Variants in SERPIND1 observed in about 807,000 individuals in gnomAD.
SERPIND1 encodes the protein heparin cofactor 2.
SERPIND1 carries 34 observed loss-of-function variants against 35.0 expected under a neutral mutation model. The ratio of observed to expected loss-of-function variants is 0.97; its 90% CI spans 0.74 to 1.29. SERPIND1 has a LOEUF of 1.29. Ranked by LOEUF, SERPIND1 falls within the 50% of genes most tolerant of loss-of-function variation. The pLI is 0.00. For synonymous variants in SERPIND1, 236 were observed against 241.1 expected (o/e 0.98, Z 0.19); for missense variants, 633 against 637.7 (o/e 0.99, Z 0.08).
At chr22:20,779,249 T>A in intron 1 of SERPIND1, 48 bp from the exon 2 acceptor site, 1 of 1,609,914 alleles carries the variant, frequency 6.2e-7, no homozygotes. Flanking sequence ...TGCAGCGGGG[T>A]GTGGATCAGC....
Position 20,780,129 on chromosome 22 carries a change from C to A in SERPIND1, c.817C>A (p.Leu273Ile). 6.2e-7 allele frequency: 1 copy of A among 1,614,142 alleles called. No individual in the cohort carries two copies. The highest frequency in any genetic ancestry group is 8.5e-7 in the Non-Finnish European group (1 of 1,180,030). The change falls in exon 2 of 5, where the codon CTC (leucine) becomes ATC (isoleucine). Residue 273 changes from leucine (L) to isoleucine (I), a missense_variant. Coordinates refer to ENST00000215727, the MANE Select transcript of SERPIND1 (RefSeq NM_000185.4). ...NNHIMKLTKG[L>I]IKDALENIDP... ...CCACATCATGAAGCTCACCAAGGGCCTCATAAAAGATGCTCTGGAGAATAT... is the reference window on the plus strand; with the variant it reads ...CCACATCATGAAGCTCACCAAGGGCATCATAAAAGATGCTCTGGAGAATAT...
chr22:20,780,789 A>AAAAAAAAAAAAAAAAAAAAAAAG (rs1569025354), intron 2 of SERPIND1, among the ~76,000 whole-genome samples: 1 of 151,278 alleles, frequency 6.6e-6, no homozygotes, highest in African/African-American at 2.4e-5. Flanking sequence ...AAAAAAAAAA[A>AAAAAAAAAAAAAAAAAAAAAAAG]AAGAAGTAAA....
rs143886146 is a variant in SERPIND1, at chr22:20,786,961, C to A, written c.1395C>A (p.Thr465=). 6.2e-7 allele frequency: 1 copy of A among 1,614,170 alleles called. No homozygotes were observed. Among genetic ancestry groups the A allele is most frequent in the Non-Finnish European group, 8.5e-7 (1 of 1,180,046 alleles). ...VTTVGFMPLS[T]QVRFTVDRPF... Reference sequence around the variant, plus strand: ...CGGTGGGGTTCATGCCGCTGTCCACCCAAGTCCGCTTCACTGTCGACCGCC... The same window carrying A: ...CGGTGGGGTTCATGCCGCTGTCCACACAAGTCCGCTTCACTGTCGACCGCC... Residue 465 remains threonine (T), a synonymous_variant, in exon 5 of 5, where the codon ACC becomes ACA. Transcript: ENST00000215727.
intron 1 of SERPIND1, chr22:20,779,062 G>A (rs1933530818): frequency 1.1e-6 from 1 of 931,000 alleles, no homozygotes; most frequent in East Asian, 3.0e-5. Context: ...TTTAAAGAAG[G>A]GATTTTCATC....
At chr22:20,775,035 T>G (rs1933154000) in intron 1 of SERPIND1, among the ~76,000 whole-genome samples, 1 of 152,148 alleles carries the variant, frequency 6.6e-6, no homozygotes, top group Non-Finnish European at 1.5e-5. Flanking sequence ...TTTCCAAACT[T>G]TAGGCAGTTA....
intron 2 of SERPIND1, among the ~76,000 whole-genome samples, chr22:20,780,421 G>A (rs1200668228): frequency 6.6e-6 from 1 of 152,156 alleles, no homozygotes; most frequent in Non-Finnish European, 1.5e-5. Flanking sequence ...GCCTTGTGAG[G>A]TCATCACTGT....
In SERPIND1 at chr22:20,787,077, C is replaced by G. The variant is rs758899698; in HGVS notation, c.*11C>G. 3.1e-6 allele frequency: 5 copies of G among 1,613,278 alleles called. No individual in the cohort carries two copies. The highest frequency in any genetic ancestry group is 3.3e-4 in the Middle Eastern group (2 of 6,028). ...CCCAGCAGGTCCTAGAGGTGGAGGT[C>G]TAGGTGTCTGAAGTGCCTTGGGGGC... On this transcript the variant is annotated 3_prime_UTR_variant, in exon 5 of 5. Transcript: ENST00000215727.
chr22:20,779,835 G>C lies in SERPIND1; in HGVS notation c.523G>C (p.Glu175Gln). 1 of 1,614,220 alleles carries C rather than the reference G, an allele frequency of 6.2e-7. No homozygotes were observed. Among genetic ancestry groups the C allele is most frequent in the Non-Finnish European group, 8.5e-7 (1 of 1,180,034 alleles). Residue 175 changes from glutamate (E) to glutamine (Q), a missense_variant, in exon 2 of 5, where the codon GAA (glutamate) becomes CAA (glutamine). Physicochemically the swap from Glu to Gln is conservative, Grantham distance 29. Coordinates refer to ENST00000215727, the MANE Select transcript of SERPIND1 (RefSeq NM_000185.4). ...CTTAGGTCTGAAGGGAGAGACCCAT[G>C]AACAAGTGCACTCGATTTTGCATTT... ...ISLGLKGETH[E>Q]QVHSILHFKD... is the part of the protein sequence containing the mutation.
rs1046733844 is a variant in SERPIND1 at position 20,787,136 on chromosome 22, C to T, written c.*70C>T. On this transcript the variant is annotated 3_prime_UTR_variant, in exon 5 of 5. Coordinates refer to ENST00000215727, the MANE Select transcript of SERPIND1 (RefSeq NM_000185.4). ...TTTGTTTCCATTCCAACAACGAGAA[C>T]AGAGATGTTCTGGCATCATTTACGT... 7.4e-7 allele frequency: 1 copy of T among 1,357,306 alleles called. No homozygotes were observed. The highest frequency in any genetic ancestry group is 1.2e-5 in the South Asian group (1 of 85,522). The allele number at this position is 1,357,306 out of a possible 1,614,324, so 84.1% of individuals were successfully genotyped here.
At position 20,784,076 on chromosome 22, in the gene SERPIND1, T is replaced by C. The variant is rs1450804799; in HGVS notation, c.994T>C (p.Phe332Leu). ...KVSMMQTKGN[F>L]LAANDQELDC... ...TTCCATGATGCAGACCAAGGGGAACTTCCTCGCAGCAAATGACCAGGAGCT... is the reference window on the plus strand; with the variant it reads ...TTCCATGATGCAGACCAAGGGGAACCTCCTCGCAGCAAATGACCAGGAGCT... The change falls in exon 3 of 5, where the codon TTC (phenylalanine) becomes CTC (leucine). Residue 332 changes from phenylalanine (F) to leucine (L), a missense_variant. Phe to Leu is a conservative substitution (Grantham distance 22). Transcript: ENST00000215727. 1.9e-6 allele frequency: 3 copies of C among 1,614,040 alleles called. No homozygotes were observed. The highest frequency in any genetic ancestry group is 1.3e-5 in the African/African-American group (1 of 74,906).
At chr22:20,784,346 A>G (rs1934038875) in intron 3 of SERPIND1, 101 bp downstream of exon 3, 2 of 1,506,454 alleles carry the variant, frequency 1.3e-6, no homozygotes, top group East Asian at 2.3e-5. Flanking sequence ...AGAATTATGT[A>G]CAAGTACCCA....
intron 1 of SERPIND1, among the ~76,000 whole-genome samples, chr22:20,778,452 C>T (rs574314700): frequency 3.0e-4 from 45 of 152,114 alleles, no homozygotes; most frequent in Admixed American, 5.2e-4. Flanking sequence ...TGCAGTAAGC[C>T]GAGATCGCGC....
intron 3 of SERPIND1, 91 bp from the exon 4 acceptor site, chr22:20,785,913 A>G (rs1408557789): frequency 6.4e-7 from 1 of 1,551,170 alleles, no homozygotes. Flanking sequence ...TCTGTGATAA[A>G]TATAACCCGT....
rs1046414164 is a variant in SERPIND1, at chr22:20,779,552, G to A, written c.240G>A (p.Leu80=). Residue 80 remains leucine, a synonymous_variant, in exon 2 of 5, where the codon CTG becomes CTA. Coordinates refer to ENST00000215727, the MANE Select transcript of SERPIND1 (RefSeq NM_000185.4). The part of the protein sequence containing the change: ...IPEGEEDDDY[L]DLEKIFSEDD... ...AGGGGGAGGAGGACGACGACTATCT[G>A]GACCTGGAGAAGATATTCAGTGAAG... 2.5e-6 allele frequency: 4 copies of A among 1,614,060 alleles called. No homozygotes were observed. The highest frequency in any genetic ancestry group is 3.4e-6 in the Non-Finnish European group (4 of 1,180,008).
rs1347634212 is a variant in SERPIND1, at chr22:20,784,118, C to A, written c.1036C>A (p.Gln346Lys). Residue 346 changes from glutamine to lysine, a missense_variant, in exon 3 of 5, where the codon CAG becomes AAG. Transcript: ENST00000215727. ...NDQELDCDIL[Q>K]LEYVGGISML... Reference sequence around the variant, plus strand: ...CCAGGAGCTGGACTGCGACATCCTCCAGCTGGAATACGTGGGGGGCATCAG... The same window carrying A: ...CCAGGAGCTGGACTGCGACATCCTCAAGCTGGAATACGTGGGGGGCATCAG... The A allele has an allele frequency of 2.5e-6, 4 of 1,614,180 alleles. No individual in the cohort carries two copies. The highest frequency in any genetic ancestry group is 3.4e-6 in the Non-Finnish European group (4 of 1,180,034).
At chr22:20,786,742 A>G in intron 4 of SERPIND1, 133 bp from the exon 5 acceptor site, 1 of 921,946 alleles carries the variant, frequency 1.1e-6, no homozygotes, top group Non-Finnish European at 1.7e-6. Context: ...TTCAAGAGTG[A>G]CTCTGACCAG....
At chr22:20,776,894 C>T (rs1252192063) in intron 1 of SERPIND1, among the ~76,000 whole-genome samples, 2 of 152,100 alleles carry the variant, frequency 1.3e-5, no homozygotes, top group South Asian at 2.1e-4. Flanking sequence ...CATCTTCAGG[C>T]CTACTGAGTT....
chr22:20,786,300 C>T (rs749918730), intron 4 of SERPIND1, 152 bp downstream of exon 4: 3 of 879,796 alleles, frequency 3.4e-6, no homozygotes, highest in Non-Finnish European at 5.5e-6. Context: ...ACACAGAATG[C>T]CTAGTTTCAT....
In SERPIND1 at chr22:20,774,419, T is replaced by C. The variant is rs138987371; in HGVS notation, c.-17+274T>C. ...GAATTGGATAACTGTCCTGTGATTA[T>C]GTATGAGAATATCCTTGCTCTTGGG... On this transcript the variant is annotated intron_variant, in intron 1 of 4. Coordinates refer to ENST00000215727, the MANE Select transcript of SERPIND1 (RefSeq NM_000185.4). Among the ~76,000 whole-genome samples, 155 of 152,348 alleles carry C rather than the reference T, an allele frequency of 1.0e-3. 1 individual carries two copies. The highest frequency in any genetic ancestry group is 1.9e-3 in the Non-Finnish European group (132 of 68,030).
Sources: gnomAD v4.1 joint callset for allele counts (sites outside exome capture counted in the v4.1 genomes callset) on GRCh38, gnomAD v4.1.1 for gene constraint, MANE v1.5 for transcripts, NCBI Gene and HGNC (gene_info 2026-07-23, HGNC 2026-07-21) for gene names.